The following NKAIN2 variants were observed in gnomAD, a reference collection of about 807,000 sequenced individuals.
NKAIN2 encodes sodium/potassium-transporting ATPase subunit beta-1-interacting protein 2.
NKAIN2 carries 14 observed loss-of-function variants against 32.6 expected under a neutral mutation model. The observed-to-expected ratio is 0.43, with a 90% CI of 0.28 to 0.67. NKAIN2 has a LOEUF of 0.67. Among genes scored for constraint, NKAIN2 ranks in the 30% least tolerant of loss-of-function variants. The pLI is 0.17. For missense variants in NKAIN2, 198 were observed against 258.3 expected (o/e 0.77, Z 1.60); for synonymous variants, 80 against 87.2 (o/e 0.92, Z 0.46).
intron 3 of NKAIN2, among the ~76,000 whole-genome samples, chr6:124,419,206 T>A (rs1411994875): frequency 6.6e-6 from 1 of 152,162 alleles, no homozygotes; most frequent in African/African-American, 2.4e-5. Flanking sequence ...TCTTCTCTAG[T>A]CTTGTTTCTC....
intron 1 of NKAIN2, among the ~76,000 whole-genome samples, chr6:124,171,848 G>A (rs1453735129): frequency 2.8e-5 from 4 of 141,388 alleles, no homozygotes; most frequent in Non-Finnish European, 6.1e-5. Flanking sequence ...CACCGCGGCC[G>A]ACTCTTTTTT....
chr6:124,754,486 G>T (rs777206864), intron 4 of NKAIN2, among the ~76,000 whole-genome samples: 3 of 151,874 alleles, frequency 2.0e-5, no homozygotes, highest in Admixed American at 1.3e-4. Context: ...CCATATGATT[G>T]TTGGCCACAT....
At chr6:124,628,439 T>A (rs1277654346) in intron 3 of NKAIN2, among the ~76,000 whole-genome samples, 1 of 152,130 alleles carries the variant, frequency 6.6e-6, no homozygotes, top group Admixed American at 6.6e-5. Context: ...AAATATAATC[T>A]TAGTTAACTT....
At position 124,288,062 on chromosome 6, in the gene NKAIN2, T is replaced by A. The variant is rs193211266; in HGVS notation, c.192+4920T>A. 2.5e-4 allele frequency among the ~76,000 whole-genome samples: 38 copies of A among 152,316 alleles called. No homozygotes were observed. The East Asian group carries it at 5.4e-3, about 22-fold the overall frequency. ...CTGAAAATCTATTACTCAGATTTTA[T>A]AGAGGATAGTATACTAAAATAACAG... On this transcript the variant is annotated intron_variant, in intron 2 of 6. Coordinates refer to ENST00000368417, the MANE Select transcript of NKAIN2 (RefSeq NM_001040214.3).
At chr6:124,396,438 AAAAAG>A (rs1447196575) in intron 3 of NKAIN2, among the ~76,000 whole-genome samples, 1 of 151,548 alleles carries the variant, frequency 6.6e-6, no homozygotes, top group East Asian at 1.9e-4. Flanking sequence ...TAAAAAAAAA[AAAAAG>A]AAAAGAAAAA....
At chr6:124,138,918 T>G (rs1344467686) in intron 1 of NKAIN2, among the ~76,000 whole-genome samples, 1 of 150,976 alleles carries the variant, frequency 6.6e-6, no homozygotes, top group East Asian at 1.9e-4. Flanking sequence ...CTTTGAAGAC[T>G]TGGGGGGAAT....
At chr6:124,325,582 C>A (rs1426083456) in intron 2 of NKAIN2, among the ~76,000 whole-genome samples, 2 of 152,028 alleles carry the variant, frequency 1.3e-5, no homozygotes, top group African/African-American at 2.4e-5. Flanking sequence ...AAGCTACTGG[C>A]ACATGCAATA....
intron 1 of NKAIN2, among the ~76,000 whole-genome samples, chr6:124,141,276 A>T (rs903197792): frequency 4.3e-4 from 65 of 152,228 alleles, no homozygotes; most frequent in African/African-American, 1.6e-3. Flanking sequence ...GAAAAAAAAT[A>T]CTTTTTACTT....
chr6:123,886,274 G>C (rs1271228318), intron 1 of NKAIN2, among the ~76,000 whole-genome samples: 2 of 151,922 alleles, frequency 1.3e-5, no homozygotes, highest in Admixed American at 6.6e-5. Flanking sequence ...AAATAAAAAA[G>C]AAGAAATACA....
At chr6:124,237,432 G>A (rs191724484) in intron 1 of NKAIN2, among the ~76,000 whole-genome samples, 1 of 152,188 alleles carries the variant, frequency 6.6e-6, no homozygotes, top group Admixed American at 6.6e-5. Context: ...GAAATGAGTG[G>A]CTAGTTAGTA....
chr6:123,991,799 T>G (rs1779423851), intron 1 of NKAIN2, among the ~76,000 whole-genome samples: 1 of 152,068 alleles, frequency 6.6e-6, no homozygotes, highest in African/African-American at 2.4e-5. Context: ...GAGGCGGAGC[T>G]TGCAGTGAGC....
chr6:124,663,115 T>C (rs746352233), intron 4 of NKAIN2, among the ~76,000 whole-genome samples: 1 of 152,200 alleles, frequency 6.6e-6, no homozygotes, highest in Admixed American at 6.5e-5. Flanking sequence ...CAGTAGATAA[T>C]GATTTCATCA....
At chr6:124,420,199 A>G (rs2114530256) in intron 3 of NKAIN2, among the ~76,000 whole-genome samples, 1 of 152,266 alleles carries the variant, frequency 6.6e-6, no homozygotes, top group Non-Finnish European at 1.5e-5. Context: ...TTCTGTGGGC[A>G]TTAATGCATT....
chr6:124,797,195 A>AACG (rs1562388676), intron 5 of NKAIN2, among the ~76,000 whole-genome samples: 1 of 147,702 alleles, frequency 6.8e-6, no homozygotes, highest in African/African-American at 2.5e-5. Flanking sequence ...AAAAAAAATC[A>AACG]TCATGACTTC....
intron 5 of NKAIN2, among the ~76,000 whole-genome samples, chr6:124,814,446 A>T (rs1427962538): frequency 6.6e-6 from 1 of 152,136 alleles, no homozygotes; most frequent in Non-Finnish European, 1.5e-5. Context: ...TTCTTTTCTC[A>T]TCTTGGTTCT....
Position 124,635,319 on chromosome 6 carries a change from A to T in NKAIN2, c.274-22867A>T, listed in dbSNP as rs533053762. On this transcript the variant is annotated intron_variant, in intron 3 of 6. Coordinates refer to ENST00000368417, the MANE Select transcript of NKAIN2 (RefSeq NM_001040214.3). ...TATATAAAACTCACTGGTAGAACAGATATACAAATAAGACAGAGAAAAGAA... is the reference window on the plus strand; with the variant it reads ...TATATAAAACTCACTGGTAGAACAGTTATACAAATAAGACAGAGAAAAGAA... 4.1e-4 allele frequency among the ~76,000 whole-genome samples: 63 copies of T among 152,174 alleles called. 1 individual carries two copies. In the South Asian group the frequency reaches 9.7e-3, roughly 23 times the overall value.
chr6:124,533,792 T>C (rs989801206), intron 3 of NKAIN2, among the ~76,000 whole-genome samples: 1 of 152,168 alleles, frequency 6.6e-6, no homozygotes, highest in African/African-American at 2.4e-5. Flanking sequence ...TTCCCACAGT[T>C]TGGGAAGCTG....
chr6:124,532,966 G>A (rs905531157), intron 3 of NKAIN2, among the ~76,000 whole-genome samples: 2 of 152,126 alleles, frequency 1.3e-5, no homozygotes, highest in Admixed American at 6.5e-5. Flanking sequence ...ATAGGAGCTG[G>A]GTTTGCTTCC....
chr6:124,004,699 C>T (rs534119741), intron 1 of NKAIN2, among the ~76,000 whole-genome samples: 119 of 151,458 alleles, frequency 7.9e-4, no homozygotes, highest in Non-Finnish European at 1.5e-3. Context: ...CATCACACAC[C>T]GGGGCCTGTC....
Sources: gnomAD v4.1 joint callset for allele counts (sites outside exome capture counted in the v4.1 genomes callset) on GRCh38, gnomAD v4.1.1 for gene constraint, MANE v1.5 for transcripts, NCBI Gene and HGNC (gene_info 2026-07-23, HGNC 2026-07-21) for gene names.